Variants in SREBF2 observed in about 807,000 individuals in gnomAD.
SREBF2 encodes sterol regulatory element binding transcription factor 2.
SREBF2 carries 55 observed loss-of-function variants against 113.1 expected under a neutral mutation model. That is an observed-to-expected ratio of 0.49 (90% CI 0.39 to 0.61). The LOEUF (loss-of-function observed/expected upper bound fraction) is 0.61, where lower values mean the gene tolerates loss of function less well. SREBF2 is among the 20% of genes least tolerant of loss of function. The pLI, the probability that SREBF2 is intolerant of heterozygous loss-of-function variation, is 0.00. For missense variants in SREBF2, 1,349 were observed against 1,487.4 expected, an observed-to-expected ratio of 0.91 and a Z score of 1.53; for synonymous variants, 593 against 605.7, an observed-to-expected ratio of 0.98 and a Z score of 0.31.
At chr22:41,844,398 T>C (rs180692423) in intron 1 of SREBF2, among the ~76,000 whole-genome samples, 1 of 152,288 alleles carries the variant, frequency 6.6e-6, no homozygotes, top group Admixed American at 6.5e-5. Context: ...ATGGCTTTTG[T>C]AGGTGTGGTA....
intron 1 of SREBF2, among the ~76,000 whole-genome samples, chr22:41,848,826 A>G (rs926972556): frequency 6.6e-6 from 1 of 152,080 alleles, no homozygotes; most frequent in South Asian, 2.1e-4. Flanking sequence ...CCGCTTTTCA[A>G]GCACTTACTG....
At chr22:41,837,168 C>G (rs900783115) in intron 1 of SREBF2, among the ~76,000 whole-genome samples, 1 of 151,988 alleles carries the variant, frequency 6.6e-6, no homozygotes, top group African/African-American at 2.4e-5. Context: ...ACTGGGCTAG[C>G]CTACTTAGAT....
intron 1 of SREBF2, among the ~76,000 whole-genome samples, chr22:41,840,022 C>G (rs1259789624): frequency 1.4e-5 from 2 of 143,992 alleles, no homozygotes; most frequent in African/African-American, 2.6e-5. Flanking sequence ...TGCAGTGGCG[C>G]GGTCTCAGCT....
Position 41,858,196 on chromosome 22 carries a change from G to C in SREBF2, c.89-8635G>C, listed in dbSNP as rs141953139. On this transcript the variant is annotated intron_variant, in intron 1 of 18. Coordinates refer to ENST00000361204, the MANE Select transcript of SREBF2 (RefSeq NM_004599.4). ...ACTGGTGTGGTCCATCTCATTTTCAGTGGCCTACACACATCACACACCATT... is the reference window on the plus strand; with the variant it reads ...ACTGGTGTGGTCCATCTCATTTTCACTGGCCTACACACATCACACACCATT... Among the ~76,000 whole-genome samples, 22 of 152,228 alleles carry C rather than the reference G, an allele frequency of 1.4e-4. No homozygotes were observed. The East Asian group carries it at 4.0e-3, about 28-fold the overall frequency.
At chr22:41,883,603 G>A (rs1486333870) in intron 10 of SREBF2, among the ~76,000 whole-genome samples, 2 of 152,186 alleles carry the variant, frequency 1.3e-5, no homozygotes, top group East Asian at 3.9e-4. Flanking sequence ...GGCATTCCCT[G>A]TGTGAGGCAC....
At position 41,906,760 on chromosome 22, in the gene SREBF2, C is replaced by T. The variant is rs1175638784; in HGVS notation, c.*1100C>T. On this transcript the variant is annotated 3_prime_UTR_variant, in exon 19 of 19. Transcript: ENST00000361204. Reference sequence around the variant, plus strand: ...AAACCAGGATGGCAGGGACCAACCCCTAATCCCTCCCCAGCGGCAAGCCCC... The same window carrying T: ...AAACCAGGATGGCAGGGACCAACCCTTAATCCCTCCCCAGCGGCAAGCCCC... 1.3e-5 allele frequency: 2 copies of T among 152,204 alleles called. No homozygotes were observed. Among genetic ancestry groups the T allele is most frequent in the East Asian group, 3.8e-4 (2 of 5,202 alleles). The allele number at this position is 152,204 out of a possible 1,614,324, so 9.4% of individuals were successfully genotyped here.
At chr22:41,857,695 T>C (rs2076990267) in intron 1 of SREBF2, among the ~76,000 whole-genome samples, 1 of 152,172 alleles carries the variant, frequency 6.6e-6, no homozygotes, top group African/African-American at 2.4e-5. Context: ...TCCTGTGTCA[T>C]TCAACACCTC....
intron 1 of SREBF2, among the ~76,000 whole-genome samples, chr22:41,851,766 A>G (rs2076933319): frequency 6.6e-6 from 1 of 151,208 alleles, no homozygotes; most frequent in South Asian, 2.1e-4. Flanking sequence ...AAGTGCTGGT[A>G]TTACAGGCAT....
At chr22:41,884,085 C>T (rs950255139) in intron 10 of SREBF2, among the ~76,000 whole-genome samples, 4 of 152,126 alleles carry the variant, frequency 2.6e-5, no homozygotes, top group South Asian at 2.1e-4. Flanking sequence ...GCTCAGTTTA[C>T]GTCACTTCCC....
At position 41,872,654 on chromosome 22, in the gene SREBF2, G is replaced by A. The variant is rs546804356; in HGVS notation, c.868-1144G>A. ...GCCTGTATTCCCAGCATTTTGGGAG[G>A]CTGAGGTGGGCAGATCACCTGAGGT... On this transcript the variant is annotated intron_variant, in intron 4 of 18. Transcript: ENST00000361204. Among the ~76,000 whole-genome samples, 273 of 152,258 alleles carry A rather than the reference G, an allele frequency of 1.8e-3. 3 individuals carry two copies. The highest frequency in any genetic ancestry group is 2.1e-3 in the Non-Finnish European group (146 of 68,022).
chr22:41,864,223 C>CATATATATATATATATAT (rs756489276), intron 1 of SREBF2, among the ~76,000 whole-genome samples: 4 of 46,330 alleles, frequency 8.6e-5, no homozygotes, highest in East Asian at 2.0e-3. Flanking sequence ...CTTCTGCAAG[C>CATATATATATATATATAT]ATATATATAT....
At position 41,899,436 on chromosome 22, in the gene SREBF2, G is replaced by GA. The variant is rs559134266; in HGVS notation, c.2738+658dup. The GA allele has an allele frequency of 1.9e-3, 1,871 of 998,788 alleles. 4 individuals are homozygous for GA. Among genetic ancestry groups the GA allele is most frequent in the Non-Finnish European group, 2.2e-3 (1,801 of 836,388 alleles). 61.9% of individuals were successfully genotyped at this position (998,788 alleles called of 1,614,324 possible). A position where few individuals can be genotyped will look rare whatever the true frequency, so the allele number is the denominator to read the frequency against. On this transcript the variant is annotated intron_variant, in intron 15 of 18. Transcript: ENST00000361204. ...CTAATTGGATCTGAGTATTCTAAGA[G>GA]AAACTGTAAAATGCTCCAAGACAGA...
rs1406472316 is a variant in SREBF2 at position 41,894,885 on chromosome 22, T to C, written c.2443T>C (p.Leu815=). The change falls in exon 13 of 19, where the codon TTG becomes CTG. Residue 815 remains leucine, a synonymous_variant. Coordinates refer to ENST00000361204, the MANE Select transcript of SREBF2 (RefSeq NM_004599.4). The part of the protein sequence containing the change: ...KNLLERAIES[L]VKPQAKKKAG... ...CCTGCTGGAGCGAGCTATAGAGTCCTTGGTGAAACCTCAGGCCAAGAAGAA... is the reference window on the plus strand; with the variant it reads ...CCTGCTGGAGCGAGCTATAGAGTCCCTGGTGAAACCTCAGGCCAAGAAGAA... 6.2e-7 allele frequency: 1 copy of C among 1,614,000 alleles called. No homozygotes were observed. Among genetic ancestry groups the C allele is most frequent in the Admixed American group, 1.7e-5 (1 of 60,002 alleles).
At chr22:41,843,787 G>A (rs2076850064) in intron 1 of SREBF2, among the ~76,000 whole-genome samples, 1 of 151,768 alleles carries the variant, frequency 6.6e-6, no homozygotes, top group Non-Finnish European at 1.5e-5. Context: ...TTGAGCCCAG[G>A]AGTTTGAGAC....
intron 1 of SREBF2, among the ~76,000 whole-genome samples, chr22:41,854,705 C>G (rs2148358724): frequency 6.6e-6 from 1 of 151,520 alleles, no homozygotes; most frequent in Admixed American, 6.6e-5. Flanking sequence ...CCGGTCTCAA[C>G]TGAAAATACA....
Position 41,845,369 on chromosome 22 carries a change from C to T in SREBF2, c.88+12011C>T, listed in dbSNP as rs1257981272. ...CTGATGTGGGATTCCATATTCTTCG[C>T]TGTCCTATGAAAATGAGGTGGGAGA... On this transcript the variant is annotated intron_variant, in intron 1 of 18. Coordinates refer to ENST00000361204, the MANE Select transcript of SREBF2 (RefSeq NM_004599.4). Among the ~76,000 whole-genome samples the T allele has an allele frequency of 3.3e-5, 5 of 152,194 alleles. No homozygotes were observed. The East Asian group carries it at 9.6e-4, about 29-fold the overall frequency.
chr22:41,905,408 T>C (rs1569414093), intron 18 of SREBF2, 32 bp from the exon 19 acceptor site: 7 of 1,543,314 alleles, frequency 4.5e-6, no homozygotes, highest in Non-Finnish European at 5.2e-6. Context: ...CATGGTAGAT[T>C]CTCGGTTGTG....
chr22:41,864,323 AT>A (rs1300330185), intron 1 of SREBF2, among the ~76,000 whole-genome samples: 2,788 of 77,890 alleles, frequency 0.036, 62 homozygotes, highest in East Asian at 0.05. Flanking sequence ...ATATATATAT[AT>A]TTTTTTTTTT....
At chr22:41,894,019 G>T (rs1265770853) in intron 12 of SREBF2, among the ~76,000 whole-genome samples, 2 of 151,996 alleles carry the variant, frequency 1.3e-5, no homozygotes. Context: ...AATAATAACT[G>T]TATTGCTCAA....
Sources: allele counts gnomAD v4.1 joint callset (sites outside exome capture counted in the v4.1 genomes callset), GRCh38; gene constraint gnomAD v4.1.1; transcripts MANE v1.5; gene names NCBI Gene and HGNC (gene_info 2026-07-23, HGNC 2026-07-21).